The following TAPBPL variants were observed in gnomAD, a reference collection of about 807,000 sequenced individuals.
The protein encoded by TAPBPL is tapasin-related protein.
Under a neutral mutation model 44.8 loss-of-function variants are expected in TAPBPL, and 32 were observed. That is an observed-to-expected ratio of 0.71 (90% CI 0.54 to 0.96). The LOEUF (loss-of-function observed/expected upper bound fraction) is 0.96, where lower values mean the gene tolerates loss of function less well. TAPBPL is among the 40% of genes least tolerant of loss of function. The pLI is 0.00. For missense variants in TAPBPL, 520 were observed against 586.6 expected (o/e 0.89, Z 1.17); for synonymous variants, 230 against 240.7 (o/e 0.96, Z 0.41).
chr12:6,463,259 A>G (rs1949927364), downstream of TAPBPL: 2 of 1,365,176 alleles, frequency 1.5e-6, no homozygotes, highest in Admixed American at 3.2e-5. This position sits in a 1 kb window ranked among gnomAD's most constrained non-coding sequence, Gnocchi z 4.0. Flanking sequence ...GCGGCTCTCA[A>G]GGAGAGGGCC....
chr12:6,462,434 C>T (rs1592143190), downstream of TAPBPL: 2 of 484,942 alleles, frequency 4.1e-6, no homozygotes, highest in Non-Finnish European at 3.7e-6. Flanking sequence ...AACCGAAGAA[C>T]GGGATGTGGG....
At position 6,461,969 on chromosome 12, in the gene TAPBPL, A is replaced by G. The variant is rs1388637899; in HGVS notation, c.1292-65A>G. On this transcript the variant is annotated intron_variant, in intron 6 of 6. Coordinates refer to ENST00000266556, the MANE Select transcript of TAPBPL (RefSeq NM_018009.5). ...GAGGCAGATGGAAGAGGCCTGAGGG[A>G]ACCTGTGCTTGTTTGCCAGTGTGAG... is the stretch of plus-strand genomic sequence containing the variant. 5.2e-6 allele frequency: 7 copies of G among 1,351,144 alleles called. No homozygotes were observed. In the Admixed American group the frequency reaches 1.2e-4, roughly 24 times the overall value. 83.7% of individuals were successfully genotyped at this position (1,351,144 alleles called of 1,614,324 possible). A position where few individuals can be genotyped will look rare whatever the true frequency, so the allele number is the denominator to read the frequency against.
downstream of TAPBPL, chr12:6,465,310 A>AAT (rs1949975298): frequency 2.6e-6 from 1 of 382,044 alleles, no homozygotes; most frequent in South Asian, 2.0e-5. Flanking sequence ...GTTATTTAAA[A>AAT]ATATATATTT....
At chr12:6,464,395 T>C, downstream of TAPBPL, 1 of 1,554,652 alleles carries the variant, frequency 6.4e-7, no homozygotes, top group South Asian at 1.2e-5. Flanking sequence ...TGGGGAAGTG[T>C]GTTGAGAGAG....
chr12:6,464,802 C>G (rs898947421), downstream of TAPBPL: 5 of 1,600,656 alleles, frequency 3.1e-6, no homozygotes, highest in African/African-American at 6.7e-5. Flanking sequence ...TCAGAGCAGC[C>G]CCACTCCCCA....
downstream of TAPBPL, chr12:6,464,873 A>T (rs1949966400): frequency 6.2e-7 from 1 of 1,614,008 alleles, no homozygotes; most frequent in Non-Finnish European, 8.5e-7. Context: ...CCCACCAGCA[A>T]CTTCAGCGAT....
At chr12:6,469,973 G>C (rs765435345), downstream of TAPBPL, among the ~76,000 whole-genome samples, 1 of 152,180 alleles carries the variant, frequency 6.6e-6, no homozygotes, top group Non-Finnish European at 1.5e-5. Flanking sequence ...GAGTCTTTCT[G>C]AGCTGCTCAC....
chr12:6,469,958 C>A (rs1293733849), downstream of TAPBPL, among the ~76,000 whole-genome samples: 1 of 152,164 alleles, frequency 6.6e-6, no homozygotes, highest in Non-Finnish European at 1.5e-5. Flanking sequence ...ATCCCACTAC[C>A]CCTTGAGTCT....
downstream of TAPBPL, chr12:6,463,164 AGAG>A (rs1949925398): frequency 1.4e-6 from 2 of 1,443,908 alleles, no homozygotes; most frequent in East Asian, 2.5e-5. This position sits in a 1 kb window ranked among gnomAD's most constrained non-coding sequence, Gnocchi z 4.0. Context: ...AACCATGCAA[AGAG>A]GAGGAAGAGA....
downstream of TAPBPL, among the ~76,000 whole-genome samples, chr12:6,468,150 G>A (rs536732216): frequency 2.0e-5 from 3 of 152,344 alleles, no homozygotes; most frequent in East Asian, 5.8e-4. Context: ...CCCCAGAATG[G>A]TAGATCCACT....
At position 6,453,564 on chromosome 12, in the gene TAPBPL, C is replaced by G. The variant is rs761831473; in HGVS notation, c.413C>G (p.Thr138Arg). 6.2e-7 allele frequency: 1 copy of G among 1,614,206 alleles called. No individual in the cohort carries two copies. The highest frequency in any genetic ancestry group is 8.5e-7 in the Non-Finnish European group (1 of 1,180,034). Residue 138 changes from threonine (T) to arginine (R), a missense_variant, in exon 3 of 7, where the codon ACA becomes AGA. Coordinates refer to ENST00000266556, the MANE Select transcript of TAPBPL (RefSeq NM_018009.5). The surrounding 1 kb of genome is among the most constrained non-coding windows in gnomAD (Gnocchi z 4.8). ...CAGATGACAGAGACCACTGTTAAGA[C>G]AGCAGCTTGGTTCATGGCCAACATG... Reference protein sequence around the residue: ...FLQMTETTVKTAAWFMANMQV... With the variant: ...FLQMTETTVKRAAWFMANMQV...
downstream of TAPBPL, chr12:6,463,277 A>G: frequency 7.5e-7 from 1 of 1,326,356 alleles, no homozygotes; most frequent in Non-Finnish European, 9.7e-7. The surrounding 1 kb of genome is among the most constrained non-coding windows in gnomAD (Gnocchi z 4.0). Flanking sequence ...GCCCCATGAC[A>G]GCACAGCAAT....
In TAPBPL at chr12:6,462,114, G is replaced by C. The variant is rs1311922606; in HGVS notation, c.1372G>C (p.Glu458Gln). 1 of 1,611,066 alleles carries C rather than the reference G, an allele frequency of 6.2e-7. No homozygotes were observed. ...CADTQSSHLH[E>Q]DRTARVSQPS ...TGACACACAGAGCTCCCATCTCCATGAAGACCGCACAGCGCGTGTAAGCCA... is the reference window on the plus strand; with the variant it reads ...TGACACACAGAGCTCCCATCTCCATCAAGACCGCACAGCGCGTGTAAGCCA... Residue 458 changes from glutamate to glutamine, a missense_variant, in exon 7 of 7, where the codon GAA becomes CAA. By Grantham distance (29) the Glu-to-Gln change is conservative. Transcript: ENST00000266556.
downstream of TAPBPL, chr12:6,466,291 G>A (rs1175485440): frequency 6.2e-7 from 1 of 1,614,054 alleles, no homozygotes; most frequent in African/African-American, 1.3e-5. Context: ...GAGGGCCAGG[G>A]GGACCCCCAC....
Position 6,458,681 on chromosome 12 carries a change from C to T in TAPBPL, c.941C>T (p.Ala314Val), listed in dbSNP as rs202182125. The change falls in exon 5 of 7, where the codon GCT becomes GTT. Residue 314 changes from alanine to valine, a missense_variant. Transcript: ENST00000266556. ...GTACGACTGAGCTTGGCAAACGAAG[C>T]TCTGCTGCCCACCCTCATCTGCGAC... Reference protein sequence around the residue: ...PKVRLSLANEALLPTLICDIA... With the variant: ...PKVRLSLANEVLLPTLICDIA... The T allele has an allele frequency of 3.1e-5, 50 of 1,614,138 alleles. No individual in the cohort carries two copies. In the East Asian group the frequency reaches 1.1e-3, roughly 35 times the overall value.
chr12:6,465,840 A>G (rs1234957678), downstream of TAPBPL: 1 of 1,613,852 alleles, frequency 6.2e-7, no homozygotes. Flanking sequence ...AAGAAAATTC[A>G]CCTTGCAGTT....
upstream of TAPBPL, chr12:6,451,967 G>T: frequency 1.9e-6 from 1 of 513,352 alleles, no homozygotes. Context: ...GTCAGGTCTT[G>T]AAATCACCAG....
intron 3 of TAPBPL, among the ~76,000 whole-genome samples, chr12:6,456,225 T>C (rs1434576069): frequency 2.0e-5 from 3 of 152,244 alleles, no homozygotes; most frequent in African/African-American, 7.2e-5. Flanking sequence ...ACATGTTTCA[T>C]AGAATTGACA....
chr12:6,465,446 A>ACATATATATAAATGTATATATATG (rs1310403719), downstream of TAPBPL: 14 of 140,200 alleles, frequency 1.0e-4, no homozygotes, highest in African/African-American at 4.4e-4. Context: ...ATATATGTAT[A>ACATATATATAAATGTATATATATG]TATACATATG....
Sources: allele counts gnomAD v4.1 joint callset (sites outside exome capture counted in the v4.1 genomes callset), GRCh38; gene constraint gnomAD v4.1.1; non-coding constraint Gnocchi (gnomAD v3.1); transcripts MANE v1.5; gene names NCBI Gene and HGNC (gene_info 2026-07-23, HGNC 2026-07-21).